Variants in BMP5 observed in about 807,000 individuals in gnomAD.
BMP5 encodes bone morphogenetic protein 5.
BMP5 carries 23 observed loss-of-function variants against 46.6 expected under a neutral mutation model. The ratio of observed to expected loss-of-function variants is 0.49; its 90% CI spans 0.35 to 0.70. The LOEUF is 0.70. BMP5 is among the 30% of genes least tolerant of loss of function. BMP5 has a pLI of 0.00. For synonymous variants in BMP5, 204 were observed against 191.9 expected (o/e 1.06, Z -0.52); for missense variants, 545 against 565.6 (o/e 0.96, Z 0.37).
At chr6:55,856,083 G>A (rs1438176588) in intron 1 of BMP5, among the ~76,000 whole-genome samples, 2 of 152,038 alleles carry the variant, frequency 1.3e-5, no homozygotes, top group Non-Finnish European at 2.9e-5. Flanking sequence ...ATACTAATCT[G>A]TTCCTATATC....
At chr6:55,864,033 A>C (rs1020315773) in intron 1 of BMP5, among the ~76,000 whole-genome samples, 1 of 151,740 alleles carries the variant, frequency 6.6e-6, no homozygotes, top group African/African-American at 2.4e-5. Flanking sequence ...AATGCATCAC[A>C]CATATAAAAA....
At chr6:55,763,468 T>C (rs892534169) in intron 4 of BMP5, among the ~76,000 whole-genome samples, 1 of 152,076 alleles carries the variant, frequency 6.6e-6, no homozygotes, top group Non-Finnish European at 1.5e-5. Flanking sequence ...AATTAATGGA[T>C]AGTGAGTGAA....
intron 4 of BMP5, among the ~76,000 whole-genome samples, chr6:55,765,941 C>G (rs1355804810): frequency 6.6e-6 from 1 of 152,134 alleles, no homozygotes; most frequent in East Asian, 1.9e-4. Flanking sequence ...CTCTAAAGGA[C>G]AGTTCCCTGA....
chr6:55,794,511 AG>A, intron 2 of BMP5, 84 bp from the exon 3 acceptor site: 1 of 1,368,766 alleles, frequency 7.3e-7, no homozygotes, highest in South Asian at 1.2e-5. Flanking sequence ...ACATTACAAA[AG>A]CAGTTTGTAA....
chr6:55,780,456 T>TAAAAAAAAAAAAAAAAAAAA (rs369703099), intron 3 of BMP5, among the ~76,000 whole-genome samples: 3 of 61,976 alleles, frequency 4.8e-5, no homozygotes, highest in East Asian at 4.4e-4. Flanking sequence ...CCATCACTAC[T>TAAAAAAAAAAAAAAAAAAAA]AAAAAAAAAA....
chr6:55,839,795 A>G (rs1015749123), intron 1 of BMP5, among the ~76,000 whole-genome samples: 1 of 152,198 alleles, frequency 6.6e-6, no homozygotes, highest in Non-Finnish European at 1.5e-5. Context: ...TAATGATATT[A>G]AATACCTTTT....
intron 1 of BMP5, among the ~76,000 whole-genome samples, chr6:55,870,667 A>G (rs1777764082): frequency 1.3e-5 from 2 of 152,114 alleles, no homozygotes; most frequent in African/African-American, 4.8e-5. Context: ...TCAGCCAAAA[A>G]CAATAATAAA....
intron 2 of BMP5, among the ~76,000 whole-genome samples, chr6:55,800,516 G>A (rs1775821802): frequency 6.6e-6 from 1 of 152,108 alleles, no homozygotes; most frequent in South Asian, 2.1e-4. Flanking sequence ...ATGATAATGT[G>A]TTCTCCTTAT....
chr6:55,848,137 T>C (rs1258008456), intron 1 of BMP5, among the ~76,000 whole-genome samples: 2 of 151,992 alleles, frequency 1.3e-5, no homozygotes, highest in African/African-American at 2.4e-5. Context: ...AGAATGCTTC[T>C]TTGTGTATAT....
intron 3 of BMP5, among the ~76,000 whole-genome samples, chr6:55,793,463 A>T (rs1582069347): frequency 1.3e-5 from 2 of 152,194 alleles, no homozygotes; most frequent in East Asian, 3.9e-4. Flanking sequence ...GCATTGGCTC[A>T]CTTTTATATC....
At chr6:55,838,114 C>A (rs1188616622) in intron 1 of BMP5, among the ~76,000 whole-genome samples, 1 of 152,168 alleles carries the variant, frequency 6.6e-6, no homozygotes, top group Non-Finnish European at 1.5e-5. Flanking sequence ...AGTGCTTTAG[C>A]AAACACAGGA....
chr6:55,843,268 G>A (rs1218860791), intron 1 of BMP5, among the ~76,000 whole-genome samples: 3 of 151,920 alleles, frequency 2.0e-5, no homozygotes, highest in Admixed American at 2.0e-4. Flanking sequence ...TCATTAAATT[G>A]TTTCATAGAG....
In BMP5 at chr6:55,874,671, G is replaced by T; in HGVS notation, c.195C>A (p.Pro65=). ...CTTGTTTTCCAGGTGAAAATGGTCTGGGTCTGTGAGGCAAACCCAAGATAG... is the reference window on the plus strand; with the variant it reads ...CTTGTTTTCCAGGTGAAAATGGTCTTGGTCTGTGAGGCAAACCCAAGATAG... The part of the protein sequence containing the change: ...ILSILGLPHR[P]RPFSPGKQAS... Residue 65 remains proline (P), a synonymous_variant, in exon 1 of 7, where the codon CCC becomes CCA. Coordinates refer to ENST00000370830, the MANE Select transcript of BMP5 (RefSeq NM_021073.4). 1 of 1,613,618 alleles carries T rather than the reference G, an allele frequency of 6.2e-7. No homozygotes were observed. The highest frequency in any genetic ancestry group is 8.5e-7 in the Non-Finnish European group (1 of 1,179,726).
Position 55,875,156 on chromosome 6 carries a change from A to T in BMP5, c.-291T>A. 1 of 322,602 alleles carries T rather than the reference A, an allele frequency of 3.1e-6. No homozygotes were observed. Among genetic ancestry groups the T allele is most frequent in the South Asian group, 3.3e-5 (1 of 30,732 alleles). 20.0% of individuals were successfully genotyped at this position (322,602 alleles called of 1,614,324 possible). ...GCATTGATGTAGCAGAAGACGGCTA[A>T]TATTATTTGATCAGATGACCTATGC... On this transcript the variant is annotated 5_prime_UTR_variant, in exon 1 of 7. Coordinates refer to ENST00000370830, the MANE Select transcript of BMP5 (RefSeq NM_021073.4).
At chr6:55,781,051 T>C (rs948728742) in intron 3 of BMP5, among the ~76,000 whole-genome samples, 2 of 152,096 alleles carry the variant, frequency 1.3e-5, no homozygotes, top group African/African-American at 4.8e-5. Context: ...CGCTAGGGAT[T>C]GTAGTTTACC....
chr6:55,819,629 T>A (rs763599066), intron 2 of BMP5, 26 bp downstream of exon 2: 1 of 1,557,450 alleles, frequency 6.4e-7, no homozygotes, highest in African/African-American at 1.4e-5. Flanking sequence ...TTTGCCAGGA[T>A]AATAAGTTAA....
chr6:55,866,010 T>C (rs1274007076), intron 1 of BMP5, among the ~76,000 whole-genome samples: 3 of 152,110 alleles, frequency 2.0e-5, no homozygotes, highest in Non-Finnish European at 4.4e-5. Flanking sequence ...TCTACAAAAA[T>C]TTTGACATAA....
At chr6:55,830,724 T>C (rs2127542101) in intron 1 of BMP5, among the ~76,000 whole-genome samples, 1 of 152,192 alleles carries the variant, frequency 6.6e-6, no homozygotes, top group East Asian at 1.9e-4. Context: ...TACTGTTACA[T>C]AAAACCTAAA....
intron 1 of BMP5, among the ~76,000 whole-genome samples, chr6:55,820,487 C>T (rs1417477893): frequency 6.6e-6 from 1 of 152,006 alleles, no homozygotes; most frequent in African/African-American, 2.4e-5. Flanking sequence ...GTATGATCAC[C>T]GCTCACTGAC....
Sources: allele counts gnomAD v4.1 joint callset (sites outside exome capture counted in the v4.1 genomes callset), GRCh38; gene constraint gnomAD v4.1.1; transcripts MANE v1.5; gene names NCBI Gene and HGNC (gene_info 2026-07-23, HGNC 2026-07-21).